The following RFTN1 variants were observed in gnomAD, a reference collection of about 807,000 sequenced individuals.
RFTN1 encodes the protein raftlin.
RFTN1 carries 26 observed loss-of-function variants against 46.5 expected under a neutral mutation model. The observed-to-expected ratio is 0.56, with a 90% CI of 0.41 to 0.78. The LOEUF is 0.78. RFTN1 is among the 30% of genes least tolerant of loss of function. The probability of loss-of-function intolerance (pLI) is 0.00; values close to 1 mark genes in which losing one functional copy is unlikely to be tolerated. For missense variants in RFTN1, 693 were observed against 718.7 expected (o/e 0.96, Z 0.41); for synonymous variants, 261 against 284.2 (o/e 0.92, Z 0.82).
chr3:16,385,634 A>G lies in RFTN1; in HGVS notation c.442-7532T>C, dbSNP rs754895401. The stretch of plus-strand genomic sequence containing the variant: ...TTCCATAACTACTTACTGAATACCA[A>G]TTGGAATCACCAAGCAACCCCCAGC... On this transcript the variant is annotated intron_variant, in intron 4 of 9. Transcript: ENST00000334133. This position sits in a 1 kb window ranked among gnomAD's most constrained non-coding sequence, Gnocchi z 5.0. 1.3e-5 allele frequency among the ~76,000 whole-genome samples: 2 copies of G among 152,216 alleles called. No individual in the cohort carries two copies. Among genetic ancestry groups the G allele is most frequent in the African/African-American group, 4.8e-5 (2 of 41,460 alleles).
chr3:16,375,416 G>T (rs1046329397), intron 5 of RFTN1, among the ~76,000 whole-genome samples: 1 of 151,978 alleles, frequency 6.6e-6, no homozygotes, highest in Non-Finnish European at 1.5e-5. Context: ...TTTGTAAAAT[G>T]GATCTAGTAA....
At chr3:16,377,220 G>A (rs1268220917) in intron 5 of RFTN1, among the ~76,000 whole-genome samples, 1 of 152,038 alleles carries the variant, frequency 6.6e-6, no homozygotes, top group African/African-American at 2.4e-5. Context: ...GGCGTGAAGG[G>A]ATGGTGGGTA....
In RFTN1 at chr3:16,321,719, T is replaced by C. The variant is rs950550424; in HGVS notation, c.1332+1657A>G. Among the ~76,000 whole-genome samples the C allele has an allele frequency of 2.0e-5, 3 of 152,162 alleles. No individual in the cohort carries two copies. The highest frequency in any genetic ancestry group is 4.4e-5 in the Non-Finnish European group (3 of 68,000). The stretch of plus-strand genomic sequence containing the variant: ...TTAGGTACATGGAAAGAGAAAGCAG[T>C]CCACCCAGATGAGTACAGCTGCTTG... On this transcript the variant is annotated intron_variant, in intron 9 of 9. Transcript: ENST00000334133. This position sits in a 1 kb window ranked among gnomAD's most constrained non-coding sequence, Gnocchi z 4.8.
rs2074894864 is a variant in RFTN1 at position 16,407,785 on chromosome 3, C to CT, written c.441+1589dup. Among the ~76,000 whole-genome samples the CT allele has an allele frequency of 6.6e-6, 1 of 152,122 alleles. No homozygotes were observed. Among genetic ancestry groups the CT allele is most frequent in the Admixed American group, 6.5e-5 (1 of 15,280 alleles). On this transcript the variant is annotated intron_variant, in intron 4 of 9. Coordinates refer to ENST00000334133, the MANE Select transcript of RFTN1 (RefSeq NM_015150.2). The surrounding 1 kb of genome is among the most constrained non-coding windows in gnomAD (Gnocchi z 4.0). Reference sequence around the variant, plus strand: ...CTTATGCGTATGTGAACAAAAGCTACTTCCCCCCTCCCCCATTTCTTAAAT... The same window carrying CT: ...CTTATGCGTATGTGAACAAAAGCTACTTTCCCCCCTCCCCCATTTCTTAAAT...
chr3:16,493,978 T>A (rs901481736), intron 1 of RFTN1, 101 bp from the exon 2 acceptor site: 2 of 1,292,738 alleles, frequency 1.5e-6, no homozygotes, highest in Admixed American at 3.8e-5. Context: ...GAAGAATACA[T>A]GACAGACCTC....
Position 16,317,285 on chromosome 3 carries a change from T to G in RFTN1, c.1333-53A>C, listed in dbSNP as rs1008346270. Reference sequence around the variant, plus strand: ...TAACAAGCCTCCGGGAACCCAGAGCTTCACCCAAAGCCTTGTTTGCATTCA... The same window carrying G: ...TAACAAGCCTCCGGGAACCCAGAGCGTCACCCAAAGCCTTGTTTGCATTCA... On this transcript the variant is annotated intron_variant, in intron 9 of 9. Coordinates refer to ENST00000334133, the MANE Select transcript of RFTN1 (RefSeq NM_015150.2). This position sits in a 1 kb window ranked among gnomAD's most constrained non-coding sequence, Gnocchi z 4.3. 1 of 1,582,298 alleles carries G rather than the reference T, an allele frequency of 6.3e-7. No homozygotes were observed. The highest frequency in any genetic ancestry group is 1.4e-5 in the African/African-American group (1 of 73,680).
rs1454081323 is a variant in RFTN1, at chr3:16,475,676, A to T, written c.145+18049T>A. ...TAAAAATCAATGGAAAACTAAAGCA[A>T]CTAACAGACACACAGAGAGAATCAC... On this transcript the variant is annotated intron_variant, in intron 2 of 9. Coordinates refer to ENST00000334133, the MANE Select transcript of RFTN1 (RefSeq NM_015150.2). This position sits in a 1 kb window ranked among gnomAD's most constrained non-coding sequence, Gnocchi z 4.2. 2.6e-5 allele frequency among the ~76,000 whole-genome samples: 4 copies of T among 152,180 alleles called. No homozygotes were observed. In the East Asian group the frequency reaches 7.7e-4, roughly 29 times the overall value.
chr3:16,384,696 TAG>T lies in RFTN1; in HGVS notation c.442-6596_442-6595del, dbSNP rs1442961132. Among the ~76,000 whole-genome samples, 1 of 152,154 alleles carries T rather than the reference TAG, an allele frequency of 6.6e-6. No individual in the cohort carries two copies. Among genetic ancestry groups the T allele is most frequent in the East Asian group, 1.9e-4 (1 of 5,202 alleles). On this transcript the variant is annotated intron_variant, in intron 4 of 9. Coordinates refer to ENST00000334133, the MANE Select transcript of RFTN1 (RefSeq NM_015150.2). This position sits in a 1 kb window ranked among gnomAD's most constrained non-coding sequence, Gnocchi z 4.7. ...GAATCAGAAACCTACTGCTAAAAAA[TAG>T]AGAGCTGTGCTGTCCAATAGGTAGC...
chr3:16,482,765 T>C (rs1220959987), intron 2 of RFTN1: 1 of 1,536,124 alleles, frequency 6.5e-7, no homozygotes, highest in East Asian at 2.4e-5. Context: ...CCAAGTCCAC[T>C]GCTCCATCAC....
intron 4 of RFTN1, among the ~76,000 whole-genome samples, chr3:16,401,138 T>G (rs1241268060): frequency 6.6e-6 from 1 of 152,080 alleles, no homozygotes; most frequent in African/African-American, 2.4e-5. Flanking sequence ...CCTTGTTGGT[T>G]TGACACCACA....
rs906979129 is a variant in RFTN1, at chr3:16,475,206, G to A, written c.145+18519C>T. 6.6e-6 allele frequency among the ~76,000 whole-genome samples: 1 copy of A among 152,188 alleles called. No homozygotes were observed. Among genetic ancestry groups the A allele is most frequent in the Non-Finnish European group, 1.5e-5 (1 of 68,034 alleles). On this transcript the variant is annotated intron_variant, in intron 2 of 9. Coordinates refer to ENST00000334133, the MANE Select transcript of RFTN1 (RefSeq NM_015150.2). The surrounding 1 kb of genome is among the most constrained non-coding windows in gnomAD (Gnocchi z 4.2). ...GCCCTCACCAGAAGCAGATGCTGAC[G>A]CCATGCTTCTTGTACAGCTGGTGGA...
intron 1 of RFTN1, among the ~76,000 whole-genome samples, chr3:16,497,125 T>A (rs941734791): frequency 2.0e-5 from 3 of 152,176 alleles, no homozygotes; most frequent in Non-Finnish European, 4.4e-5. Context: ...AGCTTTGCTG[T>A]TTCTTGATCT....
rs2073464942 is a variant in RFTN1 at position 16,370,782 on chromosome 3, C to T, written c.827-503G>A. Reference sequence around the variant, plus strand: ...CAGTAGTGTTTCCTGGGGCTGAACCCATAATACTTAATCAAGTACATCAAA... The same window carrying T: ...CAGTAGTGTTTCCTGGGGCTGAACCTATAATACTTAATCAAGTACATCAAA... On this transcript the variant is annotated intron_variant, in intron 5 of 9. Coordinates refer to ENST00000334133, the MANE Select transcript of RFTN1 (RefSeq NM_015150.2). This position sits in a 1 kb window ranked among gnomAD's most constrained non-coding sequence, Gnocchi z 5.5. The T allele has an allele frequency of 6.5e-6, 1 of 154,074 alleles. No homozygotes were observed. The highest frequency in any genetic ancestry group is 1.4e-5 in the Non-Finnish European group (1 of 69,334). The allele number at this position is 154,074 out of a possible 1,614,324, so 9.5% of individuals were successfully genotyped here.
At position 16,326,857 on chromosome 3, in the gene RFTN1, T is replaced by G. The variant is rs771549987; in HGVS notation, c.1166A>C (p.Asp389Ala). 6 of 1,613,954 alleles carry G rather than the reference T, an allele frequency of 3.7e-6. No individual in the cohort carries two copies. The highest frequency in any genetic ancestry group is 5.1e-6 in the Non-Finnish European group (6 of 1,179,968). ...CAGCGAGTTCAGCAGGGGCACGTAG[T>G]CTGTCTGCACTTCGACACCCTGGGG... ...TVLEGVEVQT[D>A]YVPLLNSLAA... Residue 389 changes from aspartate to alanine, a missense_variant, in exon 8 of 10, where the codon GAC becomes GCC. Asp to Ala is a moderately radical substitution (Grantham distance 126). Coordinates refer to ENST00000334133, the MANE Select transcript of RFTN1 (RefSeq NM_015150.2).
chr3:16,393,483 A>C (rs2074397730), intron 4 of RFTN1, among the ~76,000 whole-genome samples: 2 of 152,156 alleles, frequency 1.3e-5, no homozygotes, highest in Admixed American at 1.3e-4. Context: ...TTTACCCCCT[A>C]AAATGTTATT....
chr3:16,482,844 T>C (rs1038193140), intron 2 of RFTN1: 28 of 1,535,684 alleles, frequency 1.8e-5, no homozygotes, highest in South Asian at 1.5e-4. Flanking sequence ...CTTTCTGCCA[T>C]GAAGATGAAG....
At chr3:16,347,937 G>A (rs1186732091) in intron 7 of RFTN1, 1 of 152,224 alleles carries the variant, frequency 6.6e-6, no homozygotes, top group African/African-American at 2.4e-5. Context: ...AGCGGGAGAA[G>A]TCGTACAACA....
chr3:16,439,770 C>T (rs545144411), intron 2 of RFTN1, among the ~76,000 whole-genome samples: 1 of 152,260 alleles, frequency 6.6e-6, no homozygotes, highest in African/African-American at 2.4e-5. Flanking sequence ...CAGCCTTCTG[C>T]CTGCCCAGGC....
rs1477431133 is a variant in RFTN1, at chr3:16,489,295, G to A, written c.145+4430C>T. Among the ~76,000 whole-genome samples, 1 of 152,090 alleles carries A rather than the reference G, an allele frequency of 6.6e-6. No individual in the cohort carries two copies. The highest frequency in any genetic ancestry group is 1.5e-5 in the Non-Finnish European group (1 of 68,014). ...TAGCTGGGCATGGTGGCGGGCACCTGTAATCCCAACTACTCGGCAGGCTGA... is the reference window on the plus strand; with the variant it reads ...TAGCTGGGCATGGTGGCGGGCACCTATAATCCCAACTACTCGGCAGGCTGA... On this transcript the variant is annotated intron_variant, in intron 2 of 9. Coordinates refer to ENST00000334133, the MANE Select transcript of RFTN1 (RefSeq NM_015150.2). The surrounding 1 kb of genome is among the most constrained non-coding windows in gnomAD (Gnocchi z 4.0).
Sources: allele counts gnomAD v4.1 joint callset (sites outside exome capture counted in the v4.1 genomes callset), GRCh38; gene constraint gnomAD v4.1.1; non-coding constraint Gnocchi (gnomAD v3.1); transcripts MANE v1.5; gene names NCBI Gene and HGNC (gene_info 2026-07-23, HGNC 2026-07-21).